NEDD9: variants seen among roughly 807,000 people sequenced by gnomAD.
NEDD9 encodes enhancer of filamentation 1.
In NEDD9, 26 loss-of-function variants were observed where a neutral mutation model predicts 76.6. That is an observed-to-expected ratio of 0.34 (90% confidence interval 0.25 to 0.47). The LOEUF is 0.47. Among genes scored for constraint, NEDD9 ranks in the 20% least tolerant of loss-of-function variants. The pLI is 1.00. For missense variants in NEDD9, 937 were observed against 1,058.5 expected (o/e 0.89, Z 1.59); for synonymous variants, 392 against 414.2 (o/e 0.95, Z 0.65).
chr6:11,366,761 T>G (rs1266477601), intron 1 of NEDD9, among the ~76,000 whole-genome samples: 1 of 152,218 alleles, frequency 6.6e-6, no homozygotes, highest in Non-Finnish European at 1.5e-5. Flanking sequence ...CAGGCTTCAG[T>G]CCTAGCTGTG....
intron 1 of NEDD9, 64 bp downstream of exon 1, chr6:11,232,440 C>G (rs1019634535): frequency 5.6e-6 from 9 of 1,602,950 alleles, no homozygotes; most frequent in South Asian, 1.1e-5. Context: ...CACGCATACA[C>G]AAGCACACAC....
chr6:11,238,183 T>C (rs962095666), intron 3 of NEDD9, among the ~76,000 whole-genome samples: 3 of 152,136 alleles, frequency 2.0e-5, no homozygotes, highest in African/African-American at 7.2e-5. Flanking sequence ...TTAATATTCA[T>C]CTCACGTAAC....
At chr6:11,316,566 G>C (rs1188381810) in intron 2 of NEDD9, among the ~76,000 whole-genome samples, 1 of 152,150 alleles carries the variant, frequency 6.6e-6, no homozygotes, top group Admixed American at 6.6e-5. Context: ...AAGGCAATGG[G>C]GTAGGCTTGG....
At chr6:11,296,697 C>T (rs911334483) in intron 3 of NEDD9, among the ~76,000 whole-genome samples, 1 of 143,322 alleles carries the variant, frequency 7.0e-6, no homozygotes, top group Non-Finnish European at 1.5e-5. Context: ...TCCTTCCTTC[C>T]TTCCTTCCTT....
At chr6:11,285,695 A>T (rs1760633577) in intron 3 of NEDD9, among the ~76,000 whole-genome samples, 2 of 152,230 alleles carry the variant, frequency 1.3e-5, no homozygotes, top group African/African-American at 4.8e-5. Context: ...GTGGAATAGA[A>T]AGAGGCCTAC....
chr6:11,378,993 C>T lies in NEDD9; in HGVS notation c.-214+3146G>A, dbSNP rs117156950. On this transcript the variant is annotated intron_variant, in intron 1 of 3. Coordinates refer to the NEDD9 transcript ENST00000397378. Reference sequence around the variant, plus strand: ...ATACTACCCTGCATCACTGCTGGGACGTTTGGGAGCCACTGTGGGCAAAGT... The same window carrying T: ...ATACTACCCTGCATCACTGCTGGGATGTTTGGGAGCCACTGTGGGCAAAGT... Among the ~76,000 whole-genome samples the T allele has an allele frequency of 1.9e-3, 286 of 152,282 alleles. 2 individuals are homozygous for T. The highest frequency in any genetic ancestry group is 0.015 in the East Asian group (78 of 5,184).
chr6:11,297,571 G>A (rs1474951007), intron 3 of NEDD9, among the ~76,000 whole-genome samples: 4 of 152,114 alleles, frequency 2.6e-5, no homozygotes, highest in Non-Finnish European at 5.9e-5. Flanking sequence ...AGATTCCCAA[G>A]GCTCATTCTC....
intron 2 of NEDD9, among the ~76,000 whole-genome samples, chr6:11,201,828 CTCTGAG>C (rs71550761): frequency 0.2 from 30,849 of 151,790 alleles, 3,402 homozygotes; most frequent in African/African-American, 0.26. Context: ...CCCGTGATTC[CTCTGAG>C]TCTAAGTCTC....
chr6:11,358,025 G>A (rs927617685), intron 1 of NEDD9, among the ~76,000 whole-genome samples: 8 of 152,046 alleles, frequency 5.3e-5, no homozygotes, highest in East Asian at 1.9e-4. Flanking sequence ...CAAGGCGGGC[G>A]GATCACGAGG....
At chr6:11,196,645 A>G (rs1758300836) in intron 2 of NEDD9, among the ~76,000 whole-genome samples, 1 of 152,136 alleles carries the variant, frequency 6.6e-6, no homozygotes, top group Non-Finnish European at 1.5e-5. Flanking sequence ...GCATTCAAAG[A>G]AACAGATGGT....
chr6:11,191,062 C>T lies in NEDD9; in HGVS notation c.807G>A (p.Lys269=), dbSNP rs761567519. 2 of 1,613,996 alleles carry T rather than the reference C, an allele frequency of 1.2e-6. No individual in the cohort carries two copies. Among genetic ancestry groups the T allele is most frequent in the South Asian group, 1.1e-5 (1 of 91,072 alleles). The part of the protein sequence containing the change: ...GVYDIPPTCT[K]PAGKDLHVKY... ...TTACATGAAGGTCCTTCCCTGCTGGCTTGGTGCAGGTTGGAGGAATGTCAT... is the reference window on the plus strand; with the variant it reads ...TTACATGAAGGTCCTTCCCTGCTGGTTTGGTGCAGGTTGGAGGAATGTCAT... Residue 269 remains lysine, a synonymous_variant, in exon 5 of 7, where the codon AAG becomes AAA. Coordinates refer to ENST00000379446, the MANE Select transcript of NEDD9 (RefSeq NM_006403.4).
Position 11,366,294 on chromosome 6 carries a change from G to GGAAGGAAGGAAGGAAA in NEDD9, c.-214+15844_-214+15845insTTTCCTTCCTTCCTTC, listed in dbSNP as rs58662867. Among the ~76,000 whole-genome samples, 70 of 117,386 alleles carry GGAAGGAAGGAAGGAAA rather than the reference G, an allele frequency of 6.0e-4. 2 individuals carry two copies. Among genetic ancestry groups the GGAAGGAAGGAAGGAAA allele is most frequent in the African/African-American group, 2.1e-3 (62 of 29,078 alleles). The allele number at this position is 117,386 out of a possible 152,430, so 77.0% of individuals were successfully genotyped here. On this transcript the variant is annotated intron_variant, in intron 1 of 3. Transcript: ENST00000397378. ...AAGAAGGAAGGAAGGAAGGAAGGAAGGAAAGAAAGAAAGAAAGAGAAAGAA... is the reference window on the plus strand; with the variant it reads ...AAGAAGGAAGGAAGGAAGGAAGGAAGGAAGGAAGGAAGGAAAGAAAGAAAGAAAGAAAGAGAAAGAA...
In NEDD9 at chr6:11,205,911, C is replaced by T. The variant is rs555595826; in HGVS notation, c.459+7370G>A. ...CCAAAGTGCTGGAATTACAGGCATG[C>T]GCCACTGCGCCCGACCTACATCCGA... On this transcript the variant is annotated intron_variant, in intron 2 of 6. Coordinates refer to ENST00000379446, the MANE Select transcript of NEDD9 (RefSeq NM_006403.4). Among the ~76,000 whole-genome samples, 97 of 152,166 alleles carry T rather than the reference C, an allele frequency of 6.4e-4. 1 individual carries two copies. Among genetic ancestry groups the T allele is most frequent in the Admixed American group, 2.6e-3 (40 of 15,278 alleles).
At chr6:11,211,020 A>G (rs1210725069) in intron 2 of NEDD9, among the ~76,000 whole-genome samples, 2 of 152,218 alleles carry the variant, frequency 1.3e-5, no homozygotes, top group Non-Finnish European at 2.9e-5. Context: ...GTGATGCTTT[A>G]GGCACGGCCT....
intron 3 of NEDD9, among the ~76,000 whole-genome samples, chr6:11,245,870 G>C (rs774577193): frequency 6.6e-6 from 1 of 151,678 alleles, no homozygotes; most frequent in Non-Finnish European, 1.5e-5. Context: ...CTGATATTTT[G>C]TCATAAAATG....
intron 2 of NEDD9, among the ~76,000 whole-genome samples, chr6:11,201,973 CAGCTT>C (rs1468824906): frequency 2.0e-5 from 3 of 152,190 alleles, no homozygotes; most frequent in Non-Finnish European, 2.9e-5. Context: ...TGTGTGGAGT[CAGCTT>C]CTTGTGTCCT....
chr6:11,190,203 G>T lies in NEDD9; in HGVS notation c.1666C>A (p.Leu556Ile), dbSNP rs149843262. The part of the protein sequence containing the change: ...TTTINTNAEA[L>I]FRPGPGSLHL... ...AAGCTGCCAGGGCCGGGTCTGAAGA[G>T]GGCCTCTGCGTTGGTGTTGATGGTT... Residue 556 changes from leucine (L) to isoleucine (I), a missense_variant, in exon 5 of 7, where the codon CTC becomes ATC. Physicochemically the swap from Leu to Ile is conservative, Grantham distance 5 (BLOSUM62 2). Coordinates refer to ENST00000379446, the MANE Select transcript of NEDD9 (RefSeq NM_006403.4). The surrounding 1 kb of genome is among the most constrained non-coding windows in gnomAD (Gnocchi z 5.8). 414 of 1,614,238 alleles carry T rather than the reference G, an allele frequency of 2.6e-4. 3 individuals carry two copies. In the African/African-American group the frequency reaches 4.4e-3, roughly 17 times the overall value.
intron 1 of NEDD9, among the ~76,000 whole-genome samples, chr6:11,381,837 G>A (rs757971762): frequency 4.6e-5 from 7 of 152,208 alleles, no homozygotes; most frequent in Non-Finnish European, 7.3e-5. Flanking sequence ...TAAGCTCTCT[G>A]ACGACAGTAG....
intron 3 of NEDD9, among the ~76,000 whole-genome samples, chr6:11,254,003 TG>T (rs2113310733): frequency 6.6e-6 from 1 of 152,326 alleles, no homozygotes; most frequent in South Asian, 2.1e-4. Flanking sequence ...AAATACACGA[TG>T]GCCAATTACA....
Sources: gnomAD v4.1 joint callset for allele counts (sites outside exome capture counted in the v4.1 genomes callset) on GRCh38, gnomAD v4.1.1 for gene constraint, Gnocchi (gnomAD v3.1) non-coding constraint, MANE v1.5 for transcripts, NCBI Gene and HGNC (gene_info 2026-07-23, HGNC 2026-07-21) for gene names.